Variants in PLS1 observed in about 807,000 individuals in gnomAD.
PLS1 encodes the protein plastin-1.
A neutral mutation model predicts 73.7 loss-of-function variants in PLS1; 32 were observed. The ratio of observed to expected loss-of-function variants is 0.43; its 90% CI spans 0.33 to 0.58. PLS1 has a LOEUF of 0.58. PLS1 is among the 20% of genes least tolerant of loss of function. PLS1 has a pLI of 0.04. For missense variants in PLS1, 633 were observed against 740.5 expected (o/e 0.85, Z 1.68); for synonymous variants, 217 against 261.3 (o/e 0.83, Z 1.63).
chr3:142,705,967 TA>T (rs902220519), intron 14 of PLS1, among the ~76,000 whole-genome samples: 1 of 152,162 alleles, frequency 6.6e-6, no homozygotes, highest in African/African-American at 2.4e-5. Flanking sequence ...GTTTTAAACA[TA>T]AAACACAAAA....
chr3:142,709,556 CCTGTAA>C (rs1933013323), intron 14 of PLS1, among the ~76,000 whole-genome samples: 1 of 152,182 alleles, frequency 6.6e-6, no homozygotes, highest in Non-Finnish European at 1.5e-5. Context: ...GTGGCTCAGG[CCTGTAA>C]TCCCACCACG....
At chr3:142,658,548 A>T (rs1309910452) in intron 1 of PLS1, among the ~76,000 whole-genome samples, 1 of 151,772 alleles carries the variant, frequency 6.6e-6, no homozygotes, top group Non-Finnish European at 1.5e-5. Context: ...CCCTCTACAT[A>T]GACCACCACT....
intron 1 of PLS1, among the ~76,000 whole-genome samples, chr3:142,632,616 T>G (rs1040667267): frequency 6.7e-6 from 1 of 148,368 alleles, no homozygotes; most frequent in Admixed American, 6.7e-5. Flanking sequence ...TTTTTTCCCC[T>G]GAGACGGGGT....
intron 6 of PLS1, among the ~76,000 whole-genome samples, chr3:142,682,728 G>C (rs532190243): frequency 6.6e-6 from 1 of 152,308 alleles, no homozygotes; most frequent in African/African-American, 2.4e-5. Flanking sequence ...AGCAGAAGCT[G>C]TCTCTTGAAA....
chr3:142,618,734 TTCC>T (rs2036261386), intron 1 of PLS1, among the ~76,000 whole-genome samples: 2 of 152,146 alleles, frequency 1.3e-5, no homozygotes, highest in African/African-American at 4.8e-5. Flanking sequence ...CTTTGAATCT[TTCC>T]TCCTCCTCCT....
Position 142,599,320 on chromosome 3 carries a change from ATTCTTTTTTTTT to A in PLS1, c.-37+2814_-37+2825del, listed in dbSNP as rs528854793. On this transcript the variant is annotated intron_variant, in intron 1 of 15. Coordinates refer to ENST00000457734, the MANE Select transcript of PLS1 (RefSeq NM_001145319.2). Reference sequence around the variant, plus strand: ...AATTGTATAGAGGAGGGACTCAGATATTCTTTTTTTTTTTTTTTTTTTTTTTTGAGATGGAGT... The same window carrying A: ...AATTGTATAGAGGAGGGACTCAGATATTTTTTTTTTTTTTTGAGATGGAGT... 1.9e-3 allele frequency among the ~76,000 whole-genome samples: 267 copies of A among 137,286 alleles called. 4 individuals carry two copies. Among genetic ancestry groups the A allele is most frequent in the Non-Finnish European group, 2.3e-3 (150 of 64,056 alleles). 90.1% of individuals were successfully genotyped at this position (137,286 alleles called of 152,430 possible).
At chr3:142,650,787 G>T (rs966463655) in intron 1 of PLS1, among the ~76,000 whole-genome samples, 2 of 152,192 alleles carry the variant, frequency 1.3e-5, no homozygotes, top group African/African-American at 2.4e-5. Context: ...TAATGATGGG[G>T]ACTTGGGTAA....
chr3:142,625,230 T>G (rs563773949), intron 1 of PLS1, among the ~76,000 whole-genome samples: 1 of 145,330 alleles, frequency 6.9e-6, no homozygotes, highest in East Asian at 2.0e-4. Flanking sequence ...AATATGTCAC[T>G]GAGTGCCTGA....
At chr3:142,689,191 T>C (rs1008859362) in intron 9 of PLS1, among the ~76,000 whole-genome samples, 2 of 152,212 alleles carry the variant, frequency 1.3e-5, no homozygotes, top group African/African-American at 4.8e-5. Context: ...CCCAGCACTT[T>C]GGGAGGCCGA....
At chr3:142,611,566 T>C (rs552039196) in intron 1 of PLS1, among the ~76,000 whole-genome samples, 69 of 152,254 alleles carry the variant, frequency 4.5e-4, no homozygotes, top group Non-Finnish European at 7.9e-4. Flanking sequence ...AGGCTGCAGT[T>C]AGCCATGATT....
Position 142,698,228 on chromosome 3 carries a change from G to A in PLS1, c.1371+161G>A, listed in dbSNP as rs3773504. 0.4 allele frequency: 212,906 copies of A among 532,778 alleles called. 46,607 individuals are homozygous for A. The highest frequency in any genetic ancestry group is 0.69 in the African/African-American group (35,605 of 51,478). 33.0% of individuals were successfully genotyped at this position (532,778 alleles called of 1,614,324 possible). ...TTTACAAGTTTGCTTTAATAAATTT[G>A]AAGATGAAGGCAATCCCTCTAGTCA... On this transcript the variant is annotated intron_variant, in intron 12 of 15. Transcript: ENST00000457734.
chr3:142,704,964 G>A (rs1250611550), intron 14 of PLS1, among the ~76,000 whole-genome samples: 1 of 151,566 alleles, frequency 6.6e-6, no homozygotes, highest in South Asian at 2.1e-4. Context: ...GGCCAGGAAC[G>A]AATTTTTATT....
chr3:142,668,331 T>C (rs1258562649), intron 2 of PLS1, among the ~76,000 whole-genome samples: 2 of 152,186 alleles, frequency 1.3e-5, no homozygotes, highest in Non-Finnish European at 2.9e-5. Context: ...GGTGTGAATT[T>C]CTTGAACACC....
chr3:142,600,013 G>C (rs975381504), intron 1 of PLS1, among the ~76,000 whole-genome samples: 2 of 152,210 alleles, frequency 1.3e-5, no homozygotes, highest in East Asian at 3.9e-4. Context: ...CTCCCAATGT[G>C]TTAGGATTAC....
chr3:142,646,615 C>T (rs968754474), intron 1 of PLS1, among the ~76,000 whole-genome samples: 3 of 152,248 alleles, frequency 2.0e-5, no homozygotes, highest in Admixed American at 1.3e-4. Context: ...ACTAGACTGT[C>T]ATCCTCAGAT....
At chr3:142,631,994 T>C (rs1266418515) in intron 1 of PLS1, among the ~76,000 whole-genome samples, 1 of 152,096 alleles carries the variant, frequency 6.6e-6, no homozygotes, top group Non-Finnish European at 1.5e-5. Context: ...ATATCCAGAA[T>C]ATATAAAGAA....
chr3:142,705,331 A>C lies in PLS1; in HGVS notation c.1629+745A>C, dbSNP rs763006916. Among the ~76,000 whole-genome samples, 46 of 152,288 alleles carry C rather than the reference A, an allele frequency of 3.0e-4. No homozygotes were observed. In the Middle Eastern group the frequency reaches 0.01, roughly 34 times the overall value. Reference sequence around the variant, plus strand: ...TAACAGAGCCAGCCAAACCGATTCAAGTGGGAATTGAGAAAACTGGTAGGA... The same window carrying C: ...TAACAGAGCCAGCCAAACCGATTCACGTGGGAATTGAGAAAACTGGTAGGA... On this transcript the variant is annotated intron_variant, in intron 14 of 15. Coordinates refer to ENST00000457734, the MANE Select transcript of PLS1 (RefSeq NM_001145319.2).
rs1933214955 is a variant in PLS1 at position 142,713,202 on chromosome 3, T to G, written c.*1195T>G. On this transcript the variant is annotated 3_prime_UTR_variant, in exon 16 of 16. Coordinates refer to ENST00000457734, the MANE Select transcript of PLS1 (RefSeq NM_001145319.2). Reference sequence around the variant, plus strand: ...ACTATTTTTTTCTAAATTTTTAGCATTAGTCCATTTCTGCTGCTAACAATT... The same window carrying G: ...ACTATTTTTTTCTAAATTTTTAGCAGTAGTCCATTTCTGCTGCTAACAATT... 1 of 152,638 alleles carries G rather than the reference T, an allele frequency of 6.6e-6. No homozygotes were observed. Among genetic ancestry groups the G allele is most frequent in the African/African-American group, 2.4e-5 (1 of 41,464 alleles). The allele number at this position is 152,638 out of a possible 1,614,324, so 9.5% of individuals were successfully genotyped here.
intron 4 of PLS1, among the ~76,000 whole-genome samples, chr3:142,672,788 A>T (rs895079909): frequency 6.6e-6 from 1 of 152,230 alleles, no homozygotes; most frequent in Non-Finnish European, 1.5e-5. Flanking sequence ...TTGACATACC[A>T]TGGAATACAT....
Sources: allele counts gnomAD v4.1 joint callset (sites outside exome capture counted in the v4.1 genomes callset), GRCh38; gene constraint gnomAD v4.1.1; transcripts MANE v1.5; gene names NCBI Gene and HGNC (gene_info 2026-07-23, HGNC 2026-07-21).